Variants in HECW1 observed in about 807,000 individuals in gnomAD.
The protein encoded by HECW1 is HECT, C2 and WW domain containing E3 ubiquitin protein ligase 1.
HECW1 carries 61 observed loss-of-function variants against 182.3 expected under a neutral mutation model. The observed-to-expected ratio is 0.33, with a 90% confidence interval of 0.27 to 0.41. HECW1 has a LOEUF of 0.41. Ranked by LOEUF, HECW1 falls within the 10% of genes least tolerant of loss-of-function variation. The probability of loss-of-function intolerance (pLI) is 1.00; values close to 1 mark genes in which losing one functional copy is unlikely to be tolerated. For synonymous variants in HECW1, 859 were observed against 832.6 expected (o/e 1.03, Z -0.55); for missense variants, 1,739 against 2,108.9 (o/e 0.82, Z 3.44).
intron 3 of HECW1, among the ~76,000 whole-genome samples, chr7:43,251,511 TCA>T (rs1404807494): frequency 1.3e-5 from 2 of 152,170 alleles, no homozygotes; most frequent in African/African-American, 4.8e-5. Flanking sequence ...AGATGGGGTT[TCA>T]CCATGTTGGC....
intron 6 of HECW1, among the ~76,000 whole-genome samples, chr7:43,365,845 G>A (rs956286888): frequency 6.6e-6 from 1 of 152,194 alleles, no homozygotes; most frequent in Non-Finnish European, 1.5e-5. Flanking sequence ...TGTAATCCTA[G>A]CACTTTGGGA....
At chr7:43,359,067 C>A (rs906911952) in intron 5 of HECW1, among the ~76,000 whole-genome samples, 8 of 152,104 alleles carry the variant, frequency 5.3e-5, no homozygotes, top group African/African-American at 1.9e-4. Flanking sequence ...CACAAATGAT[C>A]CACCCACCTC....
intron 2 of HECW1, among the ~76,000 whole-genome samples, chr7:43,202,262 T>C (rs909886367): frequency 2.0e-5 from 3 of 152,182 alleles, no homozygotes; most frequent in Non-Finnish European, 2.9e-5. Context: ...CCAACAGTTT[T>C]CTCATTTGTT....
At chr7:43,294,918 A>C (rs1274566037) in intron 3 of HECW1, among the ~76,000 whole-genome samples, 1 of 152,174 alleles carries the variant, frequency 6.6e-6, no homozygotes, top group East Asian at 1.9e-4. Context: ...GTGAGACTTC[A>C]ATCTATATGT....
chr7:43,225,084 C>T (rs1797304629), intron 2 of HECW1, among the ~76,000 whole-genome samples: 1 of 152,084 alleles, frequency 6.6e-6, no homozygotes, highest in African/African-American at 2.4e-5. Context: ...GGGAAGATGA[C>T]AGGTGACACA....
At chr7:43,183,077 G>T (rs1793026775) in intron 2 of HECW1, among the ~76,000 whole-genome samples, 1 of 151,980 alleles carries the variant, frequency 6.6e-6, no homozygotes, top group African/African-American at 2.4e-5. Flanking sequence ...AAATATTTTT[G>T]AGCATCTCCT....
rs184580644 is a variant in HECW1, at chr7:43,516,421, A to G, written c.4019+7300A>G. ...GTTCAGAATATTTAAACTAAAATAAAATAAATAAAAACAGTAAAAATAAAT... is the reference window on the plus strand; with the variant it reads ...GTTCAGAATATTTAAACTAAAATAAGATAAATAAAAACAGTAAAAATAAAT... On this transcript the variant is annotated intron_variant, in intron 24 of 29. Coordinates refer to ENST00000395891, the MANE Select transcript of HECW1 (RefSeq NM_015052.5). Among the ~76,000 whole-genome samples the G allele has an allele frequency of 1.1e-3, 168 of 152,338 alleles. No individual in the cohort carries two copies. In the Middle Eastern group the frequency reaches 0.017, roughly 15 times the overall value.
At chr7:43,388,182 C>A (rs1208377500) in intron 6 of HECW1, among the ~76,000 whole-genome samples, 1 of 152,220 alleles carries the variant, frequency 6.6e-6, no homozygotes, top group Non-Finnish European at 1.5e-5. Context: ...GTGACCACCT[C>A]CGTAAATGCT....
At chr7:43,363,795 C>A (rs1234177407) in intron 6 of HECW1, among the ~76,000 whole-genome samples, 1 of 152,188 alleles carries the variant, frequency 6.6e-6, no homozygotes, top group Non-Finnish European at 1.5e-5. Context: ...ATGCCCAGCA[C>A]ATCTGTGGAG....
chr7:43,483,499 G>A (rs1168201353), intron 17 of HECW1, among the ~76,000 whole-genome samples: 1 of 151,094 alleles, frequency 6.6e-6, no homozygotes, highest in African/African-American at 2.4e-5. Flanking sequence ...TTCACATAGG[G>A]AGTTCAGGAC....
chr7:43,423,007 A>G (rs2076244895), intron 8 of HECW1, among the ~76,000 whole-genome samples: 1 of 152,244 alleles, frequency 6.6e-6, no homozygotes, highest in African/African-American at 2.4e-5. Context: ...GTTGTAAACA[A>G]TCTCTGATTG....
chr7:43,471,133 C>T (rs902174887), intron 16 of HECW1, among the ~76,000 whole-genome samples: 1 of 152,160 alleles, frequency 6.6e-6, no homozygotes, highest in African/African-American at 2.4e-5. Context: ...CTCTTAATGT[C>T]CCCAAAAATA....
chr7:43,460,628 CTCTA>C (rs909952460), intron 13 of HECW1, among the ~76,000 whole-genome samples: 41 of 152,038 alleles, frequency 2.7e-4, no homozygotes, highest in African/African-American at 9.4e-4. Context: ...TTCATTAGCC[CTCTA>C]TCTATTATAA....
chr7:43,493,143 G>A lies in HECW1; in HGVS notation c.3400G>A (p.Glu1134Lys). The A allele has an allele frequency of 6.2e-7, 1 of 1,613,778 alleles. No individual in the cohort carries two copies. The highest frequency in any genetic ancestry group is 8.5e-7 in the Non-Finnish European group (1 of 1,179,842). The change falls in exon 19 of 30, where the codon GAG becomes AAG. Residue 1134 changes from glutamate (E) to lysine (K), a missense_variant. Glu to Lys is a moderately conservative substitution (Grantham distance 56, BLOSUM62 1). Around this residue, in one of 5 missense-constraint regions of HECW1, gnomAD observed 971 missense variants for 1,029.1 expected, o/e 0.94. Transcript: ENST00000395891. ...GCCAAACATTTTTGAAATGCTGCAA[G>A]AGCGTCAGCCAAGCTTAGCAAGAAA... is the stretch of plus-strand genomic sequence containing the variant. ...RQPNIFEMLQ[E>K]RQPSLARNHT...
At chr7:43,185,126 A>G (rs184125045) in intron 2 of HECW1, among the ~76,000 whole-genome samples, 4 of 152,140 alleles carry the variant, frequency 2.6e-5, no homozygotes, top group African/African-American at 9.6e-5. Context: ...TGAAGTTTCC[A>G]TTAAAAACCC....
At chr7:43,278,695 T>C (rs1294859279) in intron 3 of HECW1, among the ~76,000 whole-genome samples, 2 of 151,988 alleles carry the variant, frequency 1.3e-5, no homozygotes, top group African/African-American at 4.8e-5. Context: ...CTTAAGGGTG[T>C]CAGGCTTGGT....
chr7:43,322,421 G>T (rs754423925), intron 5 of HECW1, among the ~76,000 whole-genome samples: 17 of 152,032 alleles, frequency 1.1e-4, no homozygotes, highest in Non-Finnish European at 1.9e-4. Flanking sequence ...ATCCATGCCA[G>T]GCAAAATCCC....
Position 43,432,050 on chromosome 7 carries a change from G to A in HECW1, c.802-5953G>A, listed in dbSNP as rs937058338. On this transcript the variant is annotated intron_variant, in intron 8 of 29. Coordinates refer to ENST00000395891, the MANE Select transcript of HECW1 (RefSeq NM_015052.5). The surrounding 1 kb of genome is among the most constrained non-coding windows in gnomAD (Gnocchi z 4.1). Reference sequence around the variant, plus strand: ...TCACCATCTTGGCCAGGCTTGTCTTGAACTCTTAACCTTGTGATCTACCCA... The same window carrying A: ...TCACCATCTTGGCCAGGCTTGTCTTAAACTCTTAACCTTGTGATCTACCCA... Among the ~76,000 whole-genome samples, 5 of 151,984 alleles carry A rather than the reference G, an allele frequency of 3.3e-5. No individual in the cohort carries two copies. Among genetic ancestry groups the A allele is most frequent in the African/African-American group, 1.2e-4 (5 of 41,362 alleles).
At chr7:43,186,681 A>AG (rs1202732638) in intron 2 of HECW1, among the ~76,000 whole-genome samples, 2 of 138,734 alleles carry the variant, frequency 1.4e-5, no homozygotes, top group Non-Finnish European at 3.2e-5. Context: ...AAAAAAAAAA[A>AG]AAAAAAAGGA....
Sources: allele counts gnomAD v4.1 joint callset (sites outside exome capture counted in the v4.1 genomes callset), GRCh38; gene constraint gnomAD v4.1.1; regional missense constraint gnomAD v4.1.1; non-coding constraint Gnocchi (gnomAD v3.1); transcripts MANE v1.5; gene names NCBI Gene and HGNC (gene_info 2026-07-23, HGNC 2026-07-21).